SLC14A2: variants seen among roughly 807,000 people sequenced by gnomAD.
SLC14A2 encodes the protein solute carrier family 14 member 2, also known as urea transporter 2.
A neutral mutation model predicts 104.6 loss-of-function variants in SLC14A2; 91 were observed. That is an observed-to-expected ratio of 0.87 (90% CI 0.73 to 1.04). The LOEUF (loss-of-function observed/expected upper bound fraction) is 1.04, where lower values mean the gene tolerates loss of function less well. Ranked by LOEUF, SLC14A2 falls within the 50% of genes least tolerant of loss-of-function variation. The probability of loss-of-function intolerance (pLI) is 0.00; values close to 1 mark genes in which losing one functional copy is unlikely to be tolerated. For synonymous variants in SLC14A2, 476 were observed against 466.4 expected, an observed-to-expected ratio of 1.02 and a Z score of -0.27; for missense variants, 1,189 against 1,156.0, an observed-to-expected ratio of 1.03 and a Z score of -0.41.
intron 1 of SLC14A2, among the ~76,000 whole-genome samples, chr18:45,399,766 T>C (rs1257170834): frequency 1.3e-5 from 2 of 152,134 alleles, no homozygotes; most frequent in African/African-American, 4.8e-5. Flanking sequence ...ACTGGTGAGA[T>C]TACATTTGGA....
At chr18:45,613,593 T>A (rs1204041556), upstream of SLC14A2, among the ~76,000 whole-genome samples, 1 of 152,154 alleles carries the variant, frequency 6.6e-6, no homozygotes, top group Non-Finnish European at 1.5e-5. Flanking sequence ...CAAATGGAGA[T>A]GAGGAACTTG....
chr18:45,548,540 C>T (rs542945878), intron 2 of SLC14A2, among the ~76,000 whole-genome samples: 9 of 151,990 alleles, frequency 5.9e-5, no homozygotes, highest in Non-Finnish European at 1.3e-4. Flanking sequence ...CCTGTCTCTA[C>T]AAAAAATAAA....
intron 2 of SLC14A2, among the ~76,000 whole-genome samples, chr18:45,607,091 T>C (rs1250626139): frequency 1.3e-5 from 2 of 152,128 alleles, no homozygotes; most frequent in African/African-American, 4.8e-5. Context: ...TTTTTTTTCA[T>C]GCATTTAAAT....
In SLC14A2 at chr18:45,682,555, G is replaced by T; in HGVS notation, c.*36G>T. ...CTAAAACACATCAGTGTAAATTCAG[G>T]CTTCAGCACGCCGTCCAGATCCCCA... On this transcript the variant is annotated 3_prime_UTR_variant, in exon 20 of 20. Transcript: ENST00000255226. 1.3e-6 allele frequency: 2 copies of T among 1,563,148 alleles called. No individual in the cohort carries two copies. Among genetic ancestry groups the T allele is most frequent in the East Asian group, 4.5e-5 (2 of 44,680 alleles).
intron 2 of SLC14A2, among the ~76,000 whole-genome samples, chr18:45,504,357 T>C (rs1353905719): frequency 6.6e-6 from 1 of 152,100 alleles, no homozygotes; most frequent in Non-Finnish European, 1.5e-5. Context: ...TCATAAACGG[T>C]TTGCTCCTGA....
At chr18:45,325,347 G>A (rs553991317) in intron 1 of SLC14A2, among the ~76,000 whole-genome samples, 1 of 152,144 alleles carries the variant, frequency 6.6e-6, no homozygotes, top group African/African-American at 2.4e-5. Context: ...TTTCACAGCT[G>A]CCCCTTTGCT....
chr18:45,209,974 T>C (rs950560091), upstream of SLC14A2, among the ~76,000 whole-genome samples: 2 of 152,234 alleles, frequency 1.3e-5, no homozygotes, highest in Non-Finnish European at 2.9e-5. Flanking sequence ...TCAGTATGAA[T>C]GCCCACAAAT....
intron 1 of SLC14A2, among the ~76,000 whole-genome samples, chr18:45,411,097 C>T (rs1168514728): frequency 6.6e-6 from 1 of 152,174 alleles, no homozygotes; most frequent in Non-Finnish European, 1.5e-5. Flanking sequence ...GAACCTAACC[C>T]TGTATTCCCT....
At chr18:45,219,652 T>G (rs190738484) in intron 1 of SLC14A2, among the ~76,000 whole-genome samples, 1 of 152,234 alleles carries the variant, frequency 6.6e-6, no homozygotes, top group African/African-American at 2.4e-5. Flanking sequence ...ACCTGAAATA[T>G]CAGTTACAAA....
chr18:45,191,458 A>G, the SLC14A2 span, among the ~76,000 whole-genome samples: 4 of 152,236 alleles, frequency 2.6e-5, no homozygotes, highest in Admixed American at 2.6e-4. Flanking sequence ...ACAAATGTAT[A>G]CATCCATATA....
At chr18:45,182,759 G>A in the SLC14A2 span, among the ~76,000 whole-genome samples, 1 of 152,066 alleles carries the variant, frequency 6.6e-6, no homozygotes, top group African/African-American at 2.4e-5. Context: ...AAATCACACA[G>A]TTGTCTGAAA....
intron 1 of SLC14A2, among the ~76,000 whole-genome samples, chr18:45,482,184 C>T (rs1023712369): frequency 6.6e-6 from 1 of 152,116 alleles, no homozygotes; most frequent in Non-Finnish European, 1.5e-5. Context: ...AGAACGTGTA[C>T]CAATGTTTAA....
chr18:45,435,853 TCCATGGCTA>T (rs1461962647), intron 1 of SLC14A2, among the ~76,000 whole-genome samples: 10 of 152,216 alleles, frequency 6.6e-5, no homozygotes, highest in Non-Finnish European at 1.3e-4. Context: ...CAAACTGGTT[TCCATGGCTA>T]GCAAAAGTGG....
the SLC14A2 span, among the ~76,000 whole-genome samples, chr18:45,184,176 T>C: frequency 6.6e-6 from 1 of 152,206 alleles, no homozygotes; most frequent in East Asian, 1.9e-4. Context: ...AAATGATCTC[T>C]ACTTTTGTTT....
intron 2 of SLC14A2, among the ~76,000 whole-genome samples, chr18:45,557,870 T>G (rs1004374986): frequency 6.6e-6 from 1 of 152,190 alleles, no homozygotes; most frequent in African/African-American, 2.4e-5. Flanking sequence ...CTTCCTAGAC[T>G]GGCATCAGTA....
At chr18:45,389,338 C>T (rs571705272) in intron 1 of SLC14A2, among the ~76,000 whole-genome samples, 1 of 152,330 alleles carries the variant, frequency 6.6e-6, no homozygotes, top group African/African-American at 2.4e-5. Context: ...CAGAATCCAT[C>T]TACATCATTT....
At chr18:45,679,960 G>A (rs1028106800) in intron 19 of SLC14A2, among the ~76,000 whole-genome samples, 1 of 152,168 alleles carries the variant, frequency 6.6e-6, no homozygotes, top group East Asian at 1.9e-4. Context: ...CCTTGGAACA[G>A]GGACCTCATC....
At chr18:45,467,978 C>A (rs531622940) in intron 1 of SLC14A2, among the ~76,000 whole-genome samples, 2 of 152,266 alleles carry the variant, frequency 1.3e-5, no homozygotes, top group South Asian at 2.1e-4. Flanking sequence ...TGCATCAGCA[C>A]AGCCACCTGC....
intron 1 of SLC14A2, among the ~76,000 whole-genome samples, chr18:45,246,056 A>G (rs1280656748): frequency 6.6e-6 from 1 of 152,172 alleles, no homozygotes; most frequent in Non-Finnish European, 1.5e-5. Flanking sequence ...CACAATTCCC[A>G]GTGTGATTTT....
Sources: allele counts gnomAD v4.1 joint callset (sites outside exome capture counted in the v4.1 genomes callset), GRCh38; gene constraint gnomAD v4.1.1; transcripts MANE v1.5; gene names NCBI Gene and HGNC (gene_info 2026-07-23, HGNC 2026-07-21).